FASTK: variants seen among roughly 807,000 people sequenced by gnomAD.
FASTK encodes Fas activated serine/threonine kinase, also known as fas-activated serine/threonine kinase.
A neutral mutation model predicts 60.0 loss-of-function variants in FASTK; 28 were observed. The ratio of observed to expected loss-of-function variants is 0.47; its 90% confidence interval spans 0.35 to 0.64. The LOEUF is 0.64. Ranked by LOEUF, FASTK falls within the 30% of genes least tolerant of loss-of-function variation. FASTK has a pLI of 0.01. For synonymous variants in FASTK, 325 were observed against 307.9 expected (o/e 1.06, Z -0.58); for missense variants, 595 against 713.8 (o/e 0.83, Z 1.90).
At position 151,078,447 on chromosome 7, in the gene FASTK, G is replaced by T. The variant is rs1238320014; in HGVS notation, c.825+115C>A. 4.2e-6 allele frequency: 5 copies of T among 1,182,448 alleles called. No individual in the cohort carries two copies. The Admixed American group carries it at 1.0e-4, about 25-fold the overall frequency. The allele number at this position is 1,182,448 out of a possible 1,614,324, so 73.2% of individuals were successfully genotyped here. A position where few individuals can be genotyped will look rare whatever the true frequency, so the allele number is the denominator to read the frequency against. On this transcript the variant is annotated intron_variant, in intron 4 of 9. Transcript: ENST00000297532. ...TGTAGAAAAGATGCAGGTCCCAGGG[G>T]ACAGAGAGGGTGTGTCTGCTTCAGG...
chr7:151,077,574 C>T, intron 6 of FASTK, 47 bp downstream of exon 6: 2 of 1,531,062 alleles, frequency 1.3e-6, no homozygotes, highest in Non-Finnish European at 1.8e-6. Context: ...TTCCACTCTG[C>T]TGGTCCCAGG....
chr7:151,078,569 C>A lies in FASTK; in HGVS notation c.818G>T (p.Ser273Ile). The A allele has an allele frequency of 6.2e-7, 1 of 1,613,220 alleles. No individual in the cohort carries two copies. Among genetic ancestry groups the A allele is most frequent in the Non-Finnish European group, 8.5e-7 (1 of 1,179,554 alleles). The stretch of plus-strand genomic sequence containing the variant: ...GGTGGGTGGCAAGCCCACCTTGCTG[C>A]TGAGTTGCGTTTCCTGAACCACCAG... ...HFLVVQETQLSSKVVQKLVLP... is the reference protein window; with the variant it reads ...HFLVVQETQLISKVVQKLVLP... Residue 273 changes from serine to isoleucine, a missense_variant, in exon 4 of 10, where the codon AGC becomes ATC. By Grantham distance (142) the Ser-to-Ile change is moderately radical (BLOSUM62 -2). Around this residue, in one of 2 missense-constraint regions of FASTK, gnomAD observed 471 missense variants for 605.9 expected, o/e 0.78. Coordinates refer to ENST00000297532, the MANE Select transcript of FASTK (RefSeq NM_006712.5).
At position 151,076,723 on chromosome 7, in the gene FASTK, C is replaced by T. The variant is rs1309164016; in HGVS notation, c.*2G>A. The T allele has an allele frequency of 1.9e-6, 3 of 1,578,532 alleles. No individual in the cohort carries two copies. The highest frequency in any genetic ancestry group is 2.6e-6 in the Non-Finnish European group (3 of 1,160,474). The stretch of plus-strand genomic sequence containing the variant: ...GGCCATCCTGAACCCCACATCAACC[C>T]CTCAGCCCCCTTCAGGCCCCCAGCG... On this transcript the variant is annotated 3_prime_UTR_variant, in exon 10 of 10. Coordinates refer to ENST00000297532, the MANE Select transcript of FASTK (RefSeq NM_006712.5).
At position 151,079,741 on chromosome 7, in the gene FASTK, A is replaced by G; in HGVS notation, c.264T>C (p.Leu88=). ...SAGPVQGLQR[L]LEQAKSPGEL... is the part of the protein sequence containing the mutation. ...CCCCAGGGCTCTTCGCCTGTTCCAG[A>G]AGCCGCTGCAGTCCTTGCACAGGAC... is the stretch of plus-strand genomic sequence containing the variant. Residue 88 remains leucine, a synonymous_variant, in exon 2 of 10, where the codon CTT becomes CTC. Transcript: ENST00000297532. 6.2e-7 allele frequency: 1 copy of G among 1,600,496 alleles called. No homozygotes were observed.
chr7:151,077,600 G>T lies in FASTK; in HGVS notation c.1199+21C>A, dbSNP rs370373571. 1.8e-5 allele frequency: 27 copies of T among 1,530,952 alleles called. No individual in the cohort carries two copies. In the African/African-American group the frequency reaches 3.6e-4, roughly 20 times the overall value. The allele number at this position is 1,530,952 out of a possible 1,614,324, so 94.8% of individuals were successfully genotyped here. ...TGGTCCCAGGCTGGCCCCTCCCCTT[G>T]CCCCAGGCTGCCCCATCCACCTGTA... On this transcript the variant is annotated intron_variant, in intron 6 of 9. Transcript: ENST00000297532.
chr7:151,077,441 C>T (rs1356203738), intron 6 of FASTK, 40 bp from the exon 7 acceptor site: 1 of 1,595,882 alleles, frequency 6.3e-7, no homozygotes, highest in African/African-American at 1.3e-5. Flanking sequence ...GGGCCCGGCA[C>T]CTCATCCTAA....
Position 151,080,675 on chromosome 7 carries a change from C to A in FASTK, c.82+10G>T. On this transcript the variant is annotated intron_variant, in intron 1 of 9. Transcript: ENST00000297532. ...CCTCCCGCAGCCCTCCCCGCAGGCG[C>A]CACCCCTACATGACTCCCCGGGCCC... is the stretch of plus-strand genomic sequence containing the variant. 1 of 1,438,850 alleles carries A rather than the reference C, an allele frequency of 6.9e-7. No homozygotes were observed. Among genetic ancestry groups the A allele is most frequent in the Non-Finnish European group, 9.1e-7 (1 of 1,101,438 alleles). The allele number at this position is 1,438,850 out of a possible 1,614,324, so 89.1% of individuals were successfully genotyped here. A position where few individuals can be genotyped will look rare whatever the true frequency, so the allele number is the denominator to read the frequency against.
Position 151,078,865 on chromosome 7 carries a change from T to C in FASTK, c.662A>G (p.Gln221Arg). 1.2e-6 allele frequency: 2 copies of C among 1,606,872 alleles called. No individual in the cohort carries two copies. The highest frequency in any genetic ancestry group is 1.7e-6 in the Non-Finnish European group (2 of 1,177,754). The change falls in exon 3 of 10, where the codon CAG becomes CGG. Residue 221 changes from glutamine (Q) to arginine (R), a missense_variant. By Grantham distance (43) the Gln-to-Arg change is conservative. This residue lies in a region of FASTK where 471 missense variants were observed against 605.9 expected (regional missense o/e 0.78). Coordinates refer to ENST00000297532, the MANE Select transcript of FASTK (RefSeq NM_006712.5). Reference protein sequence around the residue: ...SCPRFLRYPRQHLISSLAEAR... With the variant: ...SCPRFLRYPRRHLISSLAEAR... ...ACCTGCCAGGCTGCTGATCAGATGC[T>C]GCCGTGGATACCGCAGAAAACGGGG...
At position 151,078,589 on chromosome 7, in the gene FASTK, C is replaced by G. The variant is rs1797801125; in HGVS notation, c.798G>C (p.Val266=). 2 of 1,613,596 alleles carry G rather than the reference C, an allele frequency of 1.2e-6. No homozygotes were observed. The highest frequency in any genetic ancestry group is 1.7e-6 in the Non-Finnish European group (2 of 1,179,866). Residue 266 remains valine (V), a synonymous_variant, in exon 4 of 10, where the codon GTG becomes GTC. Transcript: ENST00000297532. ...QLLEAIAHFL[V]VQETQLSSKV... is the part of the protein sequence containing the mutation. ...TGCTGCTGAGTTGCGTTTCCTGAAC[C>G]ACCAGGAAGTGGGCAATGGCTTCCA...
chr7:151,076,726 C>T lies in FASTK; in HGVS notation c.1649G>A (p.Ter550=). The T allele has an allele frequency of 6.3e-7, 1 of 1,582,022 alleles. No homozygotes were observed. Among genetic ancestry groups the T allele is most frequent in the Non-Finnish European group, 8.6e-7 (1 of 1,162,666 alleles). ...CATCCTGAACCCCACATCAACCCCT[C>T]AGCCCCCTTCAGGCCCCCAGCGCAG... ...LGLRWGPEGG[*] is the part of the protein sequence containing the mutation. Residue 550 remains the stop codon, a stop_retained_variant, in exon 10 of 10, where the codon TGA becomes TAA. Coordinates refer to ENST00000297532, the MANE Select transcript of FASTK (RefSeq NM_006712.5).
rs1166104690 is a variant in FASTK, at chr7:151,077,152, C to T, written c.1376G>A (p.Cys459Tyr). The T allele has an allele frequency of 1.9e-6, 3 of 1,613,024 alleles. No homozygotes were observed. The highest frequency in any genetic ancestry group is 2.5e-6 in the Non-Finnish European group (3 of 1,179,616). Reference sequence around the variant, plus strand: ...GCTAGAGGCAGCCTGGCCCTGTGGGCAGGACCTTGGTGGGTATGGCAGGAA... The same window carrying T: ...GCTAGAGGCAGCCTGGCCCTGTGGGTAGGACCTTGGTGGGTATGGCAGGAA... The part of the protein sequence containing the change: ...DPFLPYPPRS[C>Y]PQGQAASSAT... Residue 459 changes from cysteine (C) to tyrosine (Y), a missense_variant, in exon 8 of 10, where the codon TGC (cysteine) becomes TAC (tyrosine). This residue lies in a region of FASTK where 471 missense variants were observed against 605.9 expected (regional missense o/e 0.78). Coordinates refer to ENST00000297532, the MANE Select transcript of FASTK (RefSeq NM_006712.5).
rs770249333 is a variant in FASTK, at chr7:151,077,760, C to CA, written c.1059dup (p.Val354CysfsTer54). On this transcript the variant is annotated frameshift_variant, in exon 6 of 10. Coordinates refer to ENST00000297532, the MANE Select transcript of FASTK (RefSeq NM_006712.5). LOFTEE classifies it high-confidence loss of function. ...TCCAGCAGGGAGAGGTAGCGACGCA[C>CA]AATCAGAGCATGAGGGGTGCCTGTG... The CA allele has an allele frequency of 6.3e-7, 1 of 1,597,924 alleles. No individual in the cohort carries two copies. Among genetic ancestry groups the CA allele is most frequent in the Non-Finnish European group, 8.5e-7 (1 of 1,170,112 alleles).
chr7:151,077,249 AG>A lies in FASTK; in HGVS notation c.1292-14del. 1 of 1,612,220 alleles carries A rather than the reference AG, an allele frequency of 6.2e-7. No homozygotes were observed. The highest frequency in any genetic ancestry group is 1.1e-5 in the South Asian group (1 of 91,048). ...CACAGCAGGAAGTCTGGAGGGGAGC[AG>A]GGCCGGCGGCCTTAGCCAGGGCTCC... On this transcript the variant is annotated splice_polypyrimidine_tract_variant and intron_variant, in intron 7 of 9. Transcript: ENST00000297532.
chr7:151,078,356 T>C (rs905200058), intron 4 of FASTK, among the ~76,000 whole-genome samples: 1 of 152,114 alleles, frequency 6.6e-6, no homozygotes, highest in Non-Finnish European at 1.5e-5. Context: ...CTAAGAGTGC[T>C]TTGGGAAACT....
rs1161354842 is a variant in FASTK at position 151,080,767 on chromosome 7, C to G, written c.-1G>C. The G allele has an allele frequency of 1.6e-6, 2 of 1,287,614 alleles. No homozygotes were observed. The highest frequency in any genetic ancestry group is 2.0e-6 in the Non-Finnish European group (2 of 1,016,612). 79.8% of individuals were successfully genotyped at this position (1,287,614 alleles called of 1,614,324 possible). On this transcript the variant is annotated 5_prime_UTR_variant, in exon 1 of 10. Transcript: ENST00000297532. The stretch of plus-strand genomic sequence containing the variant: ...CGGGTTCCCCCCGCGGCCTCCTCAT[C>G]GGCTAGCCACCGAGTCCGCCATCTT...
rs1160355657 is a variant in FASTK at position 151,079,783 on chromosome 7, T to A, written c.222A>T (p.Gly74=). The change falls in exon 2 of 10, where the codon GGA becomes GGT. Residue 74 remains glycine (G), a synonymous_variant. Coordinates refer to ENST00000297532, the MANE Select transcript of FASTK (RefSeq NM_006712.5). The part of the protein sequence containing the change: ...GPSKWGDRPV[G]GGPSAGPVQG... The stretch of plus-strand genomic sequence containing the variant: ...GCACAGGACCTGCACTGGGGCCTCC[T>A]CCAACAGGCCGGTCCCCCCATTTGC... 2 of 1,600,852 alleles carry A rather than the reference T, an allele frequency of 1.2e-6. No individual in the cohort carries two copies. Among genetic ancestry groups the A allele is most frequent in the Non-Finnish European group, 1.7e-6 (2 of 1,173,902 alleles).
At chr7:151,080,577 G>A in intron 1 of FASTK, 108 bp downstream of exon 1, 1 of 1,323,090 alleles carries the variant, frequency 7.6e-7, no homozygotes, top group Non-Finnish European at 9.6e-7. Context: ...CGAAGTCGGG[G>A]GCCCCAACAC....
intron 4 of FASTK, 63 bp downstream of exon 4, chr7:151,078,499 G>T: frequency 6.4e-7 from 1 of 1,574,164 alleles, no homozygotes. Flanking sequence ...TGCACGAGGC[G>T]CTGGGCCTGA....
At chr7:151,076,884 G>T (rs746070762) in intron 9 of FASTK, 29 bp downstream of exon 9, 2 of 1,598,766 alleles carry the variant, frequency 1.3e-6, no homozygotes, top group East Asian at 2.3e-5. Context: ...GAGTGAGGAT[G>T]CGCCACGGGC....
Sources: allele counts gnomAD v4.1 joint callset (sites outside exome capture counted in the v4.1 genomes callset), GRCh38; gene constraint gnomAD v4.1.1; regional missense constraint gnomAD v4.1.1; transcripts MANE v1.5; gene names NCBI Gene and HGNC (gene_info 2026-07-23, HGNC 2026-07-21).